SHROOM4: variants seen among roughly 807,000 people sequenced by gnomAD.
SHROOM4 encodes the protein shroom family member 4, also known as protein Shroom4.
In SHROOM4, 17 loss-of-function variants were observed where a neutral mutation model predicts 80.3. The observed-to-expected ratio is 0.21, with a 90% CI of 0.14 to 0.32. SHROOM4 has a LOEUF of 0.32. SHROOM4 is among the 10% of genes least tolerant of loss of function. SHROOM4 has a pLI of 1.00. For synonymous variants in SHROOM4, 400 were observed against 437.5 expected (o/e 0.91, Z 1.07); for missense variants, 993 against 1,140.3 (o/e 0.87, Z 1.86).
At position 50,634,089 on chromosome X, in the gene SHROOM4, C is replaced by T. The variant is rs782653570; in HGVS notation, c.1984G>A (p.Ala662Thr). Reference protein sequence around the residue: ...KLFNKSMMLRARSSECLSQAP... With the variant: ...KLFNKSMMLRTRSSECLSQAP... Reference sequence around the variant, plus strand: ...TGGCTGAGGCACTCGGAAGACCTAGCTCTGAGCATCATGCTTTTGTTGAAG... The same window carrying T: ...TGGCTGAGGCACTCGGAAGACCTAGTTCTGAGCATCATGCTTTTGTTGAAG... Residue 662 changes from alanine to threonine, a missense_variant, in exon 4 of 9, where the codon GCT becomes ACT. Physicochemically the swap from Ala to Thr is moderately conservative, Grantham distance 58. Coordinates refer to ENST00000376020, the MANE Select transcript of SHROOM4 (RefSeq NM_020717.5). The T allele has an allele frequency of 3.3e-6, 4 of 1,211,794 alleles. No individual in the cohort carries two copies. The East Asian group carries it at 8.9e-5, about 27-fold the overall frequency.
At chrX:50,579,692 G>A in the SHROOM4 span, among the ~76,000 whole-genome samples, 1 of 111,245 alleles carries the variant, frequency 9.0e-6, no homozygotes, top group African/African-American at 3.3e-5. Context: ...ACTGTGGAAA[G>A]GTTTAAAAAG....
At chrX:50,666,441 T>A (rs1048746857) in intron 2 of SHROOM4, among the ~76,000 whole-genome samples, 2 of 111,533 alleles carry the variant, frequency 1.8e-5, no homozygotes, top group Non-Finnish European at 3.8e-5. Flanking sequence ...ATAATAGTGA[T>A]TCTGAATCAC....
chrX:50,629,413 G>A (rs1286890378), intron 4 of SHROOM4, among the ~76,000 whole-genome samples: 2 of 111,731 alleles, frequency 1.8e-5, no homozygotes, highest in African/African-American at 3.3e-5. Context: ...TTTCACTTGC[G>A]GCCTCAGGCA....
intron 1 of SHROOM4, among the ~76,000 whole-genome samples, chrX:50,757,255 C>T (rs182140880): frequency 8.9e-6 from 1 of 111,923 alleles, no homozygotes; most frequent in East Asian, 2.8e-4. Context: ...TATTTCTTTC[C>T]CTTTGAATTT....
chrX:50,702,492 A>G (rs1351626010), intron 1 of SHROOM4, among the ~76,000 whole-genome samples: 2 of 112,188 alleles, frequency 1.8e-5, no homozygotes, highest in African/African-American at 6.5e-5. Context: ...AAAAAAAGCA[A>G]TATATGTAAT....
rs1477676673 is a variant in SHROOM4, at chrX:50,594,031, A to T, written c.*2664T>A. On this transcript the variant is annotated 3_prime_UTR_variant, in exon 9 of 9. Coordinates refer to ENST00000376020, the MANE Select transcript of SHROOM4 (RefSeq NM_020717.5). ...TCATGCACTGACTTCTCTATCAGCCATCATGCTTGCCTATTACCCATGGGG... is the reference window on the plus strand; with the variant it reads ...TCATGCACTGACTTCTCTATCAGCCTTCATGCTTGCCTATTACCCATGGGG... 1.8e-5 allele frequency: 2 copies of T among 111,983 alleles called. No individual in the cohort carries two copies. Among genetic ancestry groups the T allele is most frequent in the African/African-American group, 3.2e-5 (1 of 30,771 alleles). The allele number at this position is 111,983 out of a possible 1,213,427, so 9.2% of individuals were successfully genotyped here. A position where few individuals can be genotyped will look rare whatever the true frequency, so the allele number is the denominator to read the frequency against.
chrX:50,609,336 A>G (rs959946937), intron 5 of SHROOM4, among the ~76,000 whole-genome samples: 11 of 111,597 alleles, frequency 9.9e-5, no homozygotes, highest in African/African-American at 3.3e-5. Flanking sequence ...TAACTACAGA[A>G]TTTTTAGAAA....
At chrX:50,599,008 T>TTG (rs57494031) in intron 7 of SHROOM4, among the ~76,000 whole-genome samples, 1,786 of 98,776 alleles carry the variant, frequency 0.018, 27 homozygotes, top group African/African-American at 0.046. Flanking sequence ...GTGTGTGTGT[T>TTG]TGTGTGTGTG....
At chrX:50,724,483 T>A (rs1212431791) in intron 1 of SHROOM4, among the ~76,000 whole-genome samples, 2 of 113,019 alleles carry the variant, frequency 1.8e-5, no homozygotes, top group African/African-American at 6.4e-5. Context: ...TCTTTTTTTC[T>A]AGACAGAGTT....
chrX:50,618,230 TAAGGAA>T (rs1930334534), intron 5 of SHROOM4, among the ~76,000 whole-genome samples: 1 of 110,109 alleles, frequency 9.1e-6, no homozygotes, highest in Non-Finnish European at 1.9e-5. Context: ...GGAGCTTCAT[TAAGGAA>T]AAGGAACTAC....
chrX:50,649,938 T>C lies in SHROOM4; in HGVS notation c.270-11630A>G, dbSNP rs185519565. On this transcript the variant is annotated intron_variant, in intron 2 of 8. Coordinates refer to ENST00000376020, the MANE Select transcript of SHROOM4 (RefSeq NM_020717.5). ...TACACATTTATTTATGTACTTGAAG[T>C]GTCTTCCACTGCAGGGTTATTCATA... 1.4e-4 allele frequency among the ~76,000 whole-genome samples: 16 copies of C among 112,587 alleles called. No individual in the cohort carries two copies. In the East Asian group the frequency reaches 3.9e-3, roughly 27 times the overall value.
chrX:50,609,261 CA>C (rs34793214), intron 5 of SHROOM4, among the ~76,000 whole-genome samples: 8,035 of 101,548 alleles, frequency 0.079, 640 homozygotes, highest in African/African-American at 0.25. Context: ...GACCTTGTCT[CA>C]AAAAAAAAAA....
Position 50,635,244 on chromosome X carries a change from G to C in SHROOM4, c.829C>G (p.Pro277Ala). The C allele has an allele frequency of 8.3e-7, 1 of 1,203,891 alleles. No homozygotes were observed. The highest frequency in any genetic ancestry group is 1.1e-6 in the Non-Finnish European group (1 of 891,399). The stretch of plus-strand genomic sequence containing the variant: ...GCCTGAAGGCTGTCCCGCCTCACTG[G>C]AGGTTGTGGTGGGCCCCTGACTGCT... ...AKAVRGPPQP[P>A]VRRDSLQASR... is the part of the protein sequence containing the mutation. Residue 277 changes from proline (P) to alanine (A), a missense_variant, in exon 4 of 9, where the codon CCA (proline) becomes GCA (alanine). Coordinates refer to ENST00000376020, the MANE Select transcript of SHROOM4 (RefSeq NM_020717.5).
At chrX:50,578,182 T>C in the SHROOM4 span, among the ~76,000 whole-genome samples, 1 of 112,516 alleles carries the variant, frequency 8.9e-6, no homozygotes, top group African/African-American at 3.2e-5. Flanking sequence ...AGGAATTAAA[T>C]TGACAACAGA....
chrX:50,705,640 G>A (rs1933651319), intron 1 of SHROOM4, among the ~76,000 whole-genome samples: 2 of 110,162 alleles, frequency 1.8e-5, no homozygotes, highest in Non-Finnish European at 3.8e-5. Flanking sequence ...CCTCACAGCC[G>A]AGGTCACTCT....
chrX:50,726,077 C>T (rs1557265863), intron 1 of SHROOM4, among the ~76,000 whole-genome samples: 1 of 112,010 alleles, frequency 8.9e-6, no homozygotes, highest in African/African-American at 3.3e-5. Flanking sequence ...AAAGGTCACT[C>T]TTGCTATGCT....
intron 5 of SHROOM4, among the ~76,000 whole-genome samples, chrX:50,610,876 T>C (rs955879434): frequency 1.8e-5 from 2 of 111,306 alleles, no homozygotes; most frequent in Non-Finnish European, 3.8e-5. Flanking sequence ...TAAAGCAAAA[T>C]CTATAGCAAA....
chrX:50,597,717 G>C (rs1338740505), intron 8 of SHROOM4, among the ~76,000 whole-genome samples: 1 of 112,155 alleles, frequency 8.9e-6, no homozygotes, highest in East Asian at 2.8e-4. Context: ...CATTTTACAG[G>C]TGAAGAGATT....
At chrX:50,725,156 T>C (rs1296024315) in intron 1 of SHROOM4, among the ~76,000 whole-genome samples, 1 of 112,009 alleles carries the variant, frequency 8.9e-6, no homozygotes, top group Non-Finnish European at 1.9e-5. Context: ...CCCCAGCTCA[T>C]AGTCAAGACT....
Sources: gnomAD v4.1 joint callset for allele counts (sites outside exome capture counted in the v4.1 genomes callset) on GRCh38, gnomAD v4.1.1 for gene constraint, MANE v1.5 for transcripts, NCBI Gene and HGNC (gene_info 2026-07-23, HGNC 2026-07-21) for gene names.